The following NEDD4 variants were observed in gnomAD, a reference collection of about 807,000 sequenced individuals.
NEDD4 encodes NEDD4 E3 ubiquitin protein ligase, also known as E3 ubiquitin-protein ligase NEDD4.
In NEDD4, 99 loss-of-function variants were observed where a neutral mutation model predicts 144.9. The ratio of observed to expected loss-of-function variants is 0.68; its 90% CI spans 0.58 to 0.81. The LOEUF (loss-of-function observed/expected upper bound fraction) is 0.81. Ranked by LOEUF, NEDD4 falls within the 30% of genes least tolerant of loss-of-function variation. NEDD4 has a pLI of 0.00. For synonymous variants in NEDD4, 318 were observed against 350.6 expected (o/e 0.91, Z 1.04); for missense variants, 985 against 1,065.9 (o/e 0.92, Z 1.06).
chr15:55,941,682 G>A (rs985268405), intron 4 of NEDD4, among the ~76,000 whole-genome samples: 3 of 151,746 alleles, frequency 2.0e-5, no homozygotes, highest in Admixed American at 6.6e-5. Context: ...CTCGTGCCCA[G>A]TCTCCCAAGT....
chr15:55,925,382 C>A (rs1478490774), intron 4 of NEDD4, among the ~76,000 whole-genome samples: 2 of 152,010 alleles, frequency 1.3e-5, no homozygotes, highest in African/African-American at 4.8e-5. Flanking sequence ...TTAGAGCCAC[C>A]CAAAGTGGAC....
chr15:55,989,532 T>G (rs1187974796), intron 1 of NEDD4, among the ~76,000 whole-genome samples: 1 of 152,228 alleles, frequency 6.6e-6, no homozygotes. Context: ...AGTATCAGAA[T>G]ATGCCCTTCT....
intron 5 of NEDD4, among the ~76,000 whole-genome samples, chr15:55,902,738 A>G (rs1335807891): frequency 6.6e-6 from 1 of 152,216 alleles, no homozygotes; most frequent in African/African-American, 2.4e-5. Context: ...TTCATAAACA[A>G]TGTTATAGGA....
At chr15:55,964,496 T>C (rs2037476314) in intron 2 of NEDD4, among the ~76,000 whole-genome samples, 2 of 152,190 alleles carry the variant, frequency 1.3e-5, no homozygotes, top group African/African-American at 4.8e-5. Flanking sequence ...GGTTTCCATT[T>C]CATTTCATAT....
In NEDD4 at chr15:55,907,659, C is replaced by T. The variant is rs981410635; in HGVS notation, c.291+16987G>A. Among the ~76,000 whole-genome samples the T allele has an allele frequency of 2.0e-5, 3 of 152,152 alleles. No homozygotes were observed. The East Asian group carries it at 5.8e-4, about 29-fold the overall frequency. On this transcript the variant is annotated intron_variant, in intron 5 of 28. Coordinates refer to ENST00000435532, the MANE Select transcript of NEDD4 (RefSeq NM_006154.4). ...AGGGTTCAGTCTTTCAGCCTTGTTA[C>T]AAAAGTAAAGGTCATTCTTAGCTGA...
At chr15:55,885,616 T>C (rs62043800) in intron 5 of NEDD4, among the ~76,000 whole-genome samples, 36,748 of 152,032 alleles carry the variant, frequency 0.24, 4,630 homozygotes, top group East Asian at 0.44. Flanking sequence ...CAGTGTTAAG[T>C]TGTCATCAGT....
chr15:55,972,729 C>G (rs1450535677), intron 1 of NEDD4, among the ~76,000 whole-genome samples: 2 of 152,182 alleles, frequency 1.3e-5, no homozygotes, highest in East Asian at 3.8e-4. Context: ...ACCCAACAAT[C>G]TGTTGCATAC....
intron 1 of NEDD4, among the ~76,000 whole-genome samples, chr15:55,982,606 G>A (rs567721696): frequency 6.6e-6 from 1 of 152,298 alleles, no homozygotes; most frequent in East Asian, 1.9e-4. Context: ...CTGGAAGAGG[G>A]CCCAAGGGAG....
intron 1 of NEDD4, among the ~76,000 whole-genome samples, chr15:55,991,753 TG>T (rs1442002948): frequency 6.6e-6 from 1 of 152,164 alleles, no homozygotes; most frequent in Non-Finnish European, 1.5e-5. Flanking sequence ...TTTCAAAGGG[TG>T]GAGTTTCTGG....
intron 7 of NEDD4, among the ~76,000 whole-genome samples, chr15:55,869,936 C>T (rs1051352899): frequency 2.6e-5 from 4 of 151,732 alleles, no homozygotes; most frequent in Non-Finnish European, 4.4e-5. Flanking sequence ...TTTAAGTGAA[C>T]GATCAGAGAC....
chr15:55,970,173 G>A (rs1280739300), intron 1 of NEDD4, among the ~76,000 whole-genome samples: 2 of 152,154 alleles, frequency 1.3e-5, no homozygotes, highest in African/African-American at 4.8e-5. Flanking sequence ...CAGAGACTCT[G>A]TCTGCTTGAG....
In NEDD4 at chr15:55,840,686, C is replaced by T. The variant is rs768721578; in HGVS notation, c.1880G>A (p.Cys627Tyr). ...GAAGTAAGAGAGGTGATCTTCGTTA[C>T]ACAATCCAGAGTTTGGATTTATCTG... ...TLQINPNSGL[C>Y]NEDHLSYFKF... is the part of the protein sequence containing the mutation. Residue 627 changes from cysteine to tyrosine, a missense_variant, in exon 20 of 29, where the codon TGT becomes TAT. Transcript: ENST00000435532. 1 of 1,614,054 alleles carries T rather than the reference C, an allele frequency of 6.2e-7. No homozygotes were observed. Among genetic ancestry groups the T allele is most frequent in the Non-Finnish European group, 8.5e-7 (1 of 1,179,968 alleles).
At chr15:55,936,404 T>C (rs2036890367) in intron 4 of NEDD4, among the ~76,000 whole-genome samples, 1 of 151,522 alleles carries the variant, frequency 6.6e-6, no homozygotes, top group Admixed American at 6.6e-5. Flanking sequence ...TTTTTCCCCC[T>C]ATCCATAAAA....
At chr15:55,887,751 G>A (rs568969466) in intron 5 of NEDD4, among the ~76,000 whole-genome samples, 47 of 152,134 alleles carry the variant, frequency 3.1e-4, no homozygotes, top group East Asian at 2.3e-3. Flanking sequence ...CTAGCAAACC[G>A]AATTCAACAA....
intron 4 of NEDD4, among the ~76,000 whole-genome samples, chr15:55,929,163 G>A (rs1232302435): frequency 6.6e-6 from 1 of 152,096 alleles, no homozygotes; most frequent in African/African-American, 2.4e-5. Flanking sequence ...AGCAACAGGG[G>A]CAACTGCCCT....
intron 4 of NEDD4, among the ~76,000 whole-genome samples, chr15:55,947,298 A>G (rs1489460992): frequency 6.6e-6 from 1 of 151,794 alleles, no homozygotes; most frequent in African/African-American, 2.4e-5. Flanking sequence ...AGAATCAAAT[A>G]GACGCAATAA....
intron 18 of NEDD4, among the ~76,000 whole-genome samples, chr15:55,843,590 T>C (rs1375858827): frequency 6.6e-6 from 1 of 152,188 alleles, no homozygotes; most frequent in African/African-American, 2.4e-5. Flanking sequence ...GCCATCAATA[T>C]TCTGTCACCT....
chr15:55,953,381 CAGCCAGGATT>C (rs2037279725), intron 2 of NEDD4, among the ~76,000 whole-genome samples: 1 of 152,030 alleles, frequency 6.6e-6, no homozygotes, highest in Non-Finnish European at 1.5e-5. Context: ...AGAAAGCGGA[CAGCCAGGATT>C]GAAACTCCAG....
intron 2 of NEDD4, among the ~76,000 whole-genome samples, chr15:55,959,737 G>A (rs1037490333): frequency 2.0e-5 from 3 of 152,260 alleles, no homozygotes; most frequent in African/African-American, 7.2e-5. Flanking sequence ...AAGCTGAGAC[G>A]GCCTCCAGCT....
Sources: gnomAD v4.1 joint callset for allele counts (sites outside exome capture counted in the v4.1 genomes callset) on GRCh38, gnomAD v4.1.1 for gene constraint, MANE v1.5 for transcripts, NCBI Gene and HGNC (gene_info 2026-07-23, HGNC 2026-07-21) for gene names.